The following KIAA1217 variants were observed in gnomAD, a reference collection of about 807,000 sequenced individuals.
KIAA1217 encodes the protein sickle tail protein homolog.
Under a neutral mutation model 163.9 loss-of-function variants are expected in KIAA1217, and 88 were observed. The ratio of observed to expected loss-of-function variants is 0.54; its 90% CI spans 0.45 to 0.64. The LOEUF (loss-of-function observed/expected upper bound fraction) is 0.64. KIAA1217 is among the 30% of genes least tolerant of loss of function. The pLI is 0.00. For missense variants in KIAA1217, 2,372 were observed against 2,475.0 expected (o/e 0.96, Z 0.88); for synonymous variants, 903 against 923.1 (o/e 0.98, Z 0.39).
intron 2 of KIAA1217, among the ~76,000 whole-genome samples, chr10:24,030,978 T>C (rs1564622004): frequency 1.3e-5 from 2 of 152,234 alleles, no homozygotes; most frequent in Non-Finnish European, 2.9e-5. Flanking sequence ...AATAATACTA[T>C]TATGAGCATG....
At chr10:23,795,369 A>G (rs569118206) in intron 1 of KIAA1217, among the ~76,000 whole-genome samples, 99 of 152,280 alleles carry the variant, frequency 6.5e-4, no homozygotes, top group East Asian at 9.7e-4. Flanking sequence ...TGCCCCGTGC[A>G]CAGAAAAAGC....
intron 2 of KIAA1217, among the ~76,000 whole-genome samples, chr10:24,139,076 AT>A (rs1441542384): frequency 2.0e-5 from 3 of 152,074 alleles, no homozygotes; most frequent in Non-Finnish European, 4.4e-5. Context: ...TTCCCAAAAG[AT>A]TTTGGCTTTT....
At chr10:23,731,015 C>T (rs1324257094) in intron 1 of KIAA1217, among the ~76,000 whole-genome samples, 1 of 152,158 alleles carries the variant, frequency 6.6e-6, no homozygotes, top group Non-Finnish European at 1.5e-5. Flanking sequence ...TCAGCTAGCA[C>T]TTCCAGTTCA....
At chr10:24,266,067 T>G (rs1343218863) in intron 2 of KIAA1217, among the ~76,000 whole-genome samples, 1 of 151,300 alleles carries the variant, frequency 6.6e-6, no homozygotes, top group Non-Finnish European at 1.5e-5. Flanking sequence ...TTTGTGTATC[T>G]GCAAAGGCTG....
At chr10:23,889,079 A>C (rs1841311172) in intron 1 of KIAA1217, among the ~76,000 whole-genome samples, 1 of 151,872 alleles carries the variant, frequency 6.6e-6, no homozygotes, top group Admixed American at 6.6e-5. Context: ...GCATAGTTTT[A>C]TGAACATCTG....
chr10:23,851,767 T>C (rs1425020878), intron 1 of KIAA1217, among the ~76,000 whole-genome samples: 1 of 150,814 alleles, frequency 6.6e-6, no homozygotes, highest in Non-Finnish European at 1.5e-5. Context: ...TGGCCAGTGA[T>C]GGTGAGCATT....
chr10:24,335,580 C>CT (rs2046243685), intron 2 of KIAA1217, among the ~76,000 whole-genome samples: 1 of 123,298 alleles, frequency 8.1e-6, no homozygotes, highest in African/African-American at 3.3e-5. Context: ...TTAATTTTAT[C>CT]TTATTTTATT....
chr10:23,855,035 G>A (rs1839577024), intron 1 of KIAA1217, among the ~76,000 whole-genome samples: 1 of 152,108 alleles, frequency 6.6e-6, no homozygotes, highest in Non-Finnish European at 1.5e-5. Context: ...ATATTGTTAT[G>A]TGTGAATTTG....
intron 2 of KIAA1217, among the ~76,000 whole-genome samples, chr10:24,014,664 A>G (rs1847393850): frequency 6.6e-6 from 1 of 152,192 alleles, no homozygotes; most frequent in Non-Finnish European, 1.5e-5. Context: ...TCAGCTAGAA[A>G]TCTCAAGTCT....
At chr10:23,882,335 T>C (rs1840987304) in intron 1 of KIAA1217, among the ~76,000 whole-genome samples, 1 of 151,838 alleles carries the variant, frequency 6.6e-6, no homozygotes, top group African/African-American at 2.4e-5. Context: ...TAATCAATAG[T>C]TGCATGAAAA....
At chr10:24,042,978 G>C (rs1309950057) in intron 2 of KIAA1217, among the ~76,000 whole-genome samples, 1 of 152,182 alleles carries the variant, frequency 6.6e-6, no homozygotes, top group Non-Finnish European at 1.5e-5. Context: ...TGAAAAGCGT[G>C]ATAAAAATTC....
At chr10:23,716,323 A>C (rs992281307) in intron 1 of KIAA1217, among the ~76,000 whole-genome samples, 1 of 152,118 alleles carries the variant, frequency 6.6e-6, no homozygotes, top group African/African-American at 2.4e-5. Flanking sequence ...TTTCCTTTGC[A>C]TTGGTTTCTT....
intron 2 of KIAA1217, among the ~76,000 whole-genome samples, chr10:24,040,162 C>A (rs1564628445): frequency 6.6e-6 from 1 of 152,182 alleles, no homozygotes; most frequent in Admixed American, 6.6e-5. Context: ...TGCCACAGCC[C>A]TCGAAGTCAT....
rs146598803 is a variant in KIAA1217 at position 24,199,781 on chromosome 10, C to A, written c.-170-19845C>A. ...TCTGTAAACTGACCACGTGAATGTCCTGATTTTCATAGATTATGACTGGCT... is the reference window on the plus strand; with the variant it reads ...TCTGTAAACTGACCACGTGAATGTCATGATTTTCATAGATTATGACTGGCT... On this transcript the variant is annotated intron_variant, in intron 2 of 18. Coordinates refer to the KIAA1217 transcript ENST00000376462. Among the ~76,000 whole-genome samples the A allele has an allele frequency of 3.7e-3, 566 of 152,030 alleles. 7 individuals carry two copies. Among genetic ancestry groups the A allele is most frequent in the African/African-American group, 0.013 (549 of 41,458 alleles).
rs1472506803 is a variant in KIAA1217, at chr10:24,306,398, T to G, written c.355-74471T>G. Among the ~76,000 whole-genome samples the G allele has an allele frequency of 2.0e-5, 3 of 152,304 alleles. No individual in the cohort carries two copies. The East Asian group carries it at 5.8e-4, about 29-fold the overall frequency. ...GTAATTCATCGTTTTGCCCCAAACC[T>G]AGACACTACTATAAGAAACCCAACA... On this transcript the variant is annotated intron_variant, in intron 2 of 20. Transcript: ENST00000376454.
At chr10:24,100,891 A>G (rs1295442326) in intron 2 of KIAA1217, among the ~76,000 whole-genome samples, 2 of 152,230 alleles carry the variant, frequency 1.3e-5, no homozygotes, top group Non-Finnish European at 2.9e-5. Flanking sequence ...ATAAAAATTC[A>G]GCAATATACT....
chr10:24,512,859 G>A (rs896598889), intron 9 of KIAA1217, among the ~76,000 whole-genome samples: 1 of 152,194 alleles, frequency 6.6e-6, no homozygotes, highest in Non-Finnish European at 1.5e-5. Flanking sequence ...GAAGACCAAG[G>A]GAGTCTAAAT....
rs2135505854 is a variant in KIAA1217, at chr10:24,544,387, T to C, written c.5117T>C (p.Ile1706Thr). 1 of 1,614,084 alleles carries C rather than the reference T, an allele frequency of 6.2e-7. No individual in the cohort carries two copies. The highest frequency in any genetic ancestry group is 8.5e-7 in the Non-Finnish European group (1 of 1,180,010). Residue 1706 changes from isoleucine (I) to threonine (T), a missense_variant, in exon 19 of 21, where the codon ATA becomes ACA. By Grantham distance (89) the Ile-to-Thr change is moderately conservative. This residue lies in a region of KIAA1217 where 690 missense variants were observed against 677.5 expected (regional missense o/e 1.02). Coordinates refer to ENST00000376454, the MANE Select transcript of KIAA1217 (RefSeq NM_019590.5). ...NRDSVASSSHIAQEASPRPLL... is the reference protein window; with the variant it reads ...NRDSVASSSHTAQEASPRPLL... ...GATTCTGTTGCAAGTTCATCCCACA[T>C]AGCCCAAGAGGCCTCTCCCCGACCC...
intron 1 of KIAA1217, among the ~76,000 whole-genome samples, chr10:23,941,945 CACA>C (rs1307771282): frequency 3.3e-5 from 5 of 152,034 alleles, no homozygotes; most frequent in Admixed American, 3.3e-4. Context: ...AACAATCTTC[CACA>C]ACGTCAGGAC....
Sources: gnomAD v4.1 joint callset for allele counts (sites outside exome capture counted in the v4.1 genomes callset) on GRCh38, gnomAD v4.1.1 for gene constraint, gnomAD v4.1.1 regional missense constraint, MANE v1.5 for transcripts, NCBI Gene and HGNC (gene_info 2026-07-23, HGNC 2026-07-21) for gene names.